The following CRAMP1 variants were observed in gnomAD, a reference collection of about 807,000 sequenced individuals.
CRAMP1 encodes the protein protein cramped-like.
Under a neutral mutation model 115.4 loss-of-function variants are expected in CRAMP1, and 50 were observed. The ratio of observed to expected loss-of-function variants is 0.43; its 90% confidence interval spans 0.35 to 0.55. CRAMP1 has a LOEUF of 0.55. Ranked by LOEUF, CRAMP1 falls within the 20% of genes least tolerant of loss-of-function variation. The pLI is 0.01. For synonymous variants in CRAMP1, 866 were observed against 745.4 expected (o/e 1.16, Z -2.64); for missense variants, 1,679 against 1,721.7 (o/e 0.98, Z 0.44).
rs1371656782 is a variant in CRAMP1, at chr16:1,669,189, A to G, written c.3499+24A>G. ...TGGTGAGTGTATGGGGAGGGCTCCC[A>G]TCTCCTTTTCCAGGGCAGCAGGGGC... On this transcript the variant is annotated intron_variant, in intron 19 of 20. Transcript: ENST00000397412. This position sits in a 1 kb window ranked among gnomAD's most constrained non-coding sequence, Gnocchi z 4.6. 1 of 1,536,812 alleles carries G rather than the reference A, an allele frequency of 6.5e-7. No individual in the cohort carries two copies. Among genetic ancestry groups the G allele is most frequent in the South Asian group, 1.2e-5 (1 of 80,468 alleles).
intron 16 of CRAMP1, 62 bp from the exon 17 acceptor site, chr16:1,667,273 G>C: frequency 7.3e-7 from 1 of 1,363,440 alleles, no homozygotes. Context: ...TCTGTCGCGG[G>C]TGAGGGTATG....
At chr16:1,648,395 G>T (rs1187075154) in intron 6 of CRAMP1, among the ~76,000 whole-genome samples, 6 of 151,062 alleles carry the variant, frequency 4.0e-5, no homozygotes, top group Non-Finnish European at 7.4e-5. Context: ...AATCATTTGA[G>T]GTTAGGAGTT....
At chr16:1,644,528 C>T (rs540593930) in intron 6 of CRAMP1, among the ~76,000 whole-genome samples, 11 of 152,208 alleles carry the variant, frequency 7.2e-5, no homozygotes, top group East Asian at 1.9e-4. Context: ...GTGAAACTGA[C>T]GTGGCAGGTG....
rs776379568 is a variant in CRAMP1, at chr16:1,656,908, C to T, written c.2151C>T (p.Pro717=). Residue 717 remains proline (P), a synonymous_variant, in exon 10 of 21, where the codon CCC becomes CCT. Coordinates refer to ENST00000397412, the MANE Select transcript of CRAMP1 (RefSeq NM_020825.4). The surrounding 1 kb of genome is among the most constrained non-coding windows in gnomAD (Gnocchi z 5.6). ...WLGPGRQDPR[P]GSLPTALHKQ... ...GGCCCGGCCGCCAGGACCCCCGCCC[C>T]GGCTCCCTACCCACCGCCCTCCACA... The T allele has an allele frequency of 1.4e-5, 22 of 1,553,432 alleles. No individual in the cohort carries two copies. Among genetic ancestry groups the T allele is most frequent in the Middle Eastern group, 1.7e-4 (1 of 5,968 alleles).
chr16:1,634,213 C>G (rs966850248), intron 4 of CRAMP1, among the ~76,000 whole-genome samples: 1 of 152,140 alleles, frequency 6.6e-6, no homozygotes, highest in East Asian at 1.9e-4. Context: ...TTTGCTTGAA[C>G]CATCTGCGGG....
chr16:1,664,575 T>G (rs553545939), intron 13 of CRAMP1, among the ~76,000 whole-genome samples: 1 of 152,174 alleles, frequency 6.6e-6, no homozygotes, highest in African/African-American at 2.4e-5. Context: ...GGTCAGGAGT[T>G]CAAGACCAGC....
At chr16:1,617,910 T>C (rs1052229601) in intron 2 of CRAMP1, among the ~76,000 whole-genome samples, 3 of 152,242 alleles carry the variant, frequency 2.0e-5, no homozygotes, top group African/African-American at 7.2e-5. Flanking sequence ...TGCTTTTAAA[T>C]GAGTGCAGAA....
At position 1,662,818 on chromosome 16, in the gene CRAMP1, A is replaced by C; in HGVS notation, c.2653A>C (p.Lys885Gln). The change falls in exon 13 of 21, where the codon AAG becomes CAG. Residue 885 changes from lysine to glutamine, a missense_variant. By Grantham distance (53) the Lys-to-Gln change is moderately conservative. Around this residue, in one of 8 missense-constraint regions of CRAMP1, gnomAD observed 709 missense variants for 741.9 expected, o/e 0.96. Coordinates refer to ENST00000397412, the MANE Select transcript of CRAMP1 (RefSeq NM_020825.4). Reference sequence around the variant, plus strand: ...GAAGCTGCGGAACCGGCACCTGCGGAAGCCACTGGTGGTCCAGGTCAGGGT... The same window carrying C: ...GAAGCTGCGGAACCGGCACCTGCGGCAGCCACTGGTGGTCCAGGTCAGGGT... ...PRKLRNRHLR[K>Q]PLVVQRTLLP... 6.2e-7 allele frequency: 1 copy of C among 1,613,776 alleles called. No homozygotes were observed. The highest frequency in any genetic ancestry group is 1.1e-5 in the South Asian group (1 of 91,076).
At chr16:1,622,271 G>A (rs2036471363) in intron 2 of CRAMP1, among the ~76,000 whole-genome samples, 1 of 152,230 alleles carries the variant, frequency 6.6e-6, no homozygotes, top group Admixed American at 6.5e-5. Context: ...CTAGCACTTT[G>A]AGAGGCTGAG....
chr16:1,676,876 T>C lies in CRAMP1; in HGVS notation c.*2831T>C, dbSNP rs2036973186. The C allele has an allele frequency of 6.6e-6, 1 of 152,290 alleles. No individual in the cohort carries two copies. The highest frequency in any genetic ancestry group is 1.5e-5 in the Non-Finnish European group (1 of 68,080). 9.4% of individuals were successfully genotyped at this position (152,290 alleles called of 1,614,324 possible). A position where few individuals can be genotyped will look rare whatever the true frequency, so the allele number is the denominator to read the frequency against. On this transcript the variant is annotated 3_prime_UTR_variant, in exon 21 of 21. Transcript: ENST00000397412. ...GGGTGCCAGCTCAGGGAGTGGGGTG[T>C]TGGCGGCGTTTCCGCGGTTGGCCTC...
chr16:1,666,063 G>C lies in CRAMP1; in HGVS notation c.2753-10G>C. On this transcript the variant is annotated splice_polypyrimidine_tract_variant and intron_variant, in intron 14 of 20. Coordinates refer to ENST00000397412, the MANE Select transcript of CRAMP1 (RefSeq NM_020825.4). This position sits in a 1 kb window ranked among gnomAD's most constrained non-coding sequence, Gnocchi z 5.0. ...GCTCGACATGTCTGCTTTTGCCCTC[G>C]CCCTCGCAGGGAGAGGTTCGTTCCG... 11 of 1,583,652 alleles carry C rather than the reference G, an allele frequency of 6.9e-6. No homozygotes were observed. The highest frequency in any genetic ancestry group is 9.5e-6 in the Non-Finnish European group (11 of 1,160,842).
chr16:1,651,132 A>G (rs771751518), intron 6 of CRAMP1, among the ~76,000 whole-genome samples: 6 of 151,454 alleles, frequency 4.0e-5, no homozygotes, highest in Non-Finnish European at 8.8e-5. Context: ...ATGGAAAGGT[A>G]GATTGAGGTC....
intron 6 of CRAMP1, among the ~76,000 whole-genome samples, chr16:1,644,454 C>A (rs1316931052): frequency 6.6e-6 from 1 of 152,144 alleles, no homozygotes; most frequent in Non-Finnish European, 1.5e-5. Flanking sequence ...TGATGCATGT[C>A]CATTGAACAG....
At chr16:1,617,417 C>G (rs2036430081) in intron 2 of CRAMP1, among the ~76,000 whole-genome samples, 1 of 152,222 alleles carries the variant, frequency 6.6e-6, no homozygotes, top group South Asian at 2.1e-4. Context: ...GTGGCAGTTG[C>G]CCCGCAACAG....
intron 10 of CRAMP1, 100 bp downstream of exon 10, chr16:1,657,092 T>A: frequency 9.0e-7 from 1 of 1,112,984 alleles, no homozygotes; most frequent in Non-Finnish European, 1.2e-6. Context: ...ACGGTTGGGG[T>A]CCAGATGAGA....
At chr16:1,629,404 T>C (rs545860593) in intron 3 of CRAMP1, among the ~76,000 whole-genome samples, 1 of 152,220 alleles carries the variant, frequency 6.6e-6, no homozygotes, top group Non-Finnish European at 1.5e-5. Flanking sequence ...CCATCTTTTG[T>C]TCTCATTGCC....
intron 10 of CRAMP1, among the ~76,000 whole-genome samples, chr16:1,659,422 G>A (rs1437842311): frequency 1.3e-5 from 2 of 151,358 alleles, no homozygotes; most frequent in African/African-American, 4.9e-5. Context: ...ACGGAATCTT[G>A]CTCTGTAGTC....
intron 13 of CRAMP1, among the ~76,000 whole-genome samples, chr16:1,663,048 T>C (rs1430274751): frequency 1.3e-5 from 2 of 152,188 alleles, no homozygotes; most frequent in Non-Finnish European, 1.5e-5. Context: ...GGAAATCCAC[T>C]TGCAAAAAAG....
intron 1 of CRAMP1, among the ~76,000 whole-genome samples, chr16:1,613,219 G>C (rs1363812769): frequency 6.6e-6 from 1 of 152,018 alleles, no homozygotes; most frequent in Non-Finnish European, 1.5e-5. Flanking sequence ...GTTTGTCGTG[G>C]GTGGTTTTGT....
Sources: gnomAD v4.1 joint callset for allele counts (sites outside exome capture counted in the v4.1 genomes callset) on GRCh38, gnomAD v4.1.1 for gene constraint, gnomAD v4.1.1 regional missense constraint, Gnocchi (gnomAD v3.1) non-coding constraint, MANE v1.5 for transcripts, NCBI Gene and HGNC (gene_info 2026-07-23, HGNC 2026-07-21) for gene names.